ZFP82: variants seen among roughly 807,000 people sequenced by gnomAD.
ZFP82 encodes the protein zinc finger protein 82 homolog.
Under a neutral mutation model 54.0 loss-of-function variants are expected in ZFP82, and 30 were observed. That is an observed-to-expected ratio of 0.56 (90% CI 0.42 to 0.75). The LOEUF is 0.75. ZFP82 is among the 30% of genes least tolerant of loss of function. The pLI is 0.00. For missense variants in ZFP82, 500 were observed against 636.8 expected (o/e 0.79, Z 2.31); for synonymous variants, 194 against 209.5 (o/e 0.93, Z 0.64).
chr19:36,405,934 G>T (rs887157539), intron 3 of ZFP82, among the ~76,000 whole-genome samples: 4 of 152,072 alleles, frequency 2.6e-5, no homozygotes, highest in African/African-American at 9.7e-5. Context: ...CAGACTGCTG[G>T]GTGCAAATCC....
chr19:36,412,771 G>A (rs2032602158), intron 1 of ZFP82, among the ~76,000 whole-genome samples: 1 of 152,152 alleles, frequency 6.6e-6, no homozygotes, highest in South Asian at 2.1e-4. Flanking sequence ...AACCCCATGA[G>A]TTTGGTATTA....
chr19:36,388,616 A>C (rs2032142811), downstream of ZFP82, among the ~76,000 whole-genome samples: 1 of 152,126 alleles, frequency 6.6e-6, no homozygotes, highest in African/African-American at 2.4e-5. Context: ...AAACCTCATT[A>C]TGTAGCTATT....
chr19:36,392,822 A>G lies in ZFP82; in HGVS notation c.1518T>C (p.Tyr506=). 3 of 1,613,452 alleles carry G rather than the reference A, an allele frequency of 1.9e-6. No homozygotes were observed. The highest frequency in any genetic ancestry group is 2.5e-6 in the Non-Finnish European group (3 of 1,179,606). ...HLRIHSGEKP[Y]ECKECKKAFR... ...AGGCCTTCTTACATTCCTTACATTC[A>G]TAGGGTTTCTCACCAGAATGAATTC... The change falls in exon 5 of 5, where the codon TAT becomes TAC. Residue 506 remains tyrosine (Y), a synonymous_variant. Transcript: ENST00000392161.
Position 36,393,355 on chromosome 19 carries a change from G to C in ZFP82, c.985C>G (p.His329Asp). The C allele has an allele frequency of 6.2e-7, 1 of 1,614,062 alleles. No homozygotes were observed. Among genetic ancestry groups the C allele is most frequent in the Non-Finnish European group, 8.5e-7 (1 of 1,180,008 alleles). Residue 329 changes from histidine (H) to aspartate (D), a missense_variant, in exon 5 of 5, where the codon CAC becomes GAC. By Grantham distance (81) the His-to-Asp change is moderately conservative. Coordinates refer to ENST00000392161, the MANE Select transcript of ZFP82 (RefSeq NM_133466.4). ...GGTTTCTCACCAGTATGAAGTTTGT[G>C]ATGTACTCTAAGACCAGAGCCACAC... ...FLCGSGLRVH[H>D]KLHTGEKPYE...
At chr19:36,397,463 G>A (rs558731660) in intron 4 of ZFP82, among the ~76,000 whole-genome samples, 3 of 152,186 alleles carry the variant, frequency 2.0e-5, no homozygotes, top group South Asian at 2.1e-4. Flanking sequence ...AGAAAGCACA[G>A]ACATAGAAAT....
intron 4 of ZFP82, chr19:36,395,051 G>C (rs2032270961): frequency 1.3e-5 from 2 of 152,106 alleles, no homozygotes; most frequent in African/African-American, 2.4e-5. Flanking sequence ...CCTTACTACA[G>C]TGATTAAATA....
In ZFP82 at chr19:36,414,185, C is replaced by T. The variant is rs1030072357; in HGVS notation, c.-79+4307G>A. On this transcript the variant is annotated intron_variant, in intron 1 of 4. Coordinates refer to ENST00000392161, the MANE Select transcript of ZFP82 (RefSeq NM_133466.4). ...AAAGTGCTGGGATTACAGGCGTTAG[C>T]CACCACACTGGCTTCAATAATTTTC... is the stretch of plus-strand genomic sequence containing the variant. Among the ~76,000 whole-genome samples, 5 of 152,116 alleles carry T rather than the reference C, an allele frequency of 3.3e-5. No individual in the cohort carries two copies. In the South Asian group the frequency reaches 6.2e-4, roughly 19 times the overall value.
At chr19:36,416,719 G>A (rs1174093647) in intron 1 of ZFP82, among the ~76,000 whole-genome samples, 1 of 138,222 alleles carries the variant, frequency 7.2e-6, no homozygotes, top group Non-Finnish European at 1.5e-5. Flanking sequence ...TCACACCATT[G>A]CACTCCAGCC....
At chr19:36,395,112 G>A (rs952438080) in intron 4 of ZFP82, 15 of 152,182 alleles carry the variant, frequency 9.9e-5, no homozygotes, top group Admixed American at 9.8e-4. Context: ...ATGGAAATAG[G>A]TGGCTGTATA....
chr19:36,384,876 TA>T (rs1260830777), downstream of ZFP82, among the ~76,000 whole-genome samples: 1 of 152,216 alleles, frequency 6.6e-6, no homozygotes, highest in East Asian at 1.9e-4. Flanking sequence ...GATTAATGAC[TA>T]ATTAATGACA....
chr19:36,411,864 C>A (rs373788273), intron 1 of ZFP82, among the ~76,000 whole-genome samples: 380 of 118,930 alleles, frequency 3.2e-3, no homozygotes, highest in South Asian at 3.6e-3. Flanking sequence ...GACCCCGTCT[C>A]AAAAAAAAAA....
At chr19:36,399,313 C>T (rs2032346492) in intron 4 of ZFP82, among the ~76,000 whole-genome samples, 1 of 152,150 alleles carries the variant, frequency 6.6e-6, no homozygotes, top group South Asian at 2.1e-4. Context: ...AAGGGTGCCC[C>T]ACCAAGGGTG....
chr19:36,400,344 G>C (rs1041184155), intron 4 of ZFP82, among the ~76,000 whole-genome samples: 3 of 152,184 alleles, frequency 2.0e-5, no homozygotes, highest in African/African-American at 7.2e-5. Context: ...CTGGGATATA[G>C]AAGATTTGGT....
Position 36,393,251 on chromosome 19 carries a change from C to T in ZFP82, c.1089G>A (p.Glu363=). ...CACATTCCTTACATTCATAGGGTTT[C>T]TCACCAGTATGAATTCTCTGATGGA... is the stretch of plus-strand genomic sequence containing the variant. ...LTLHQRIHTG[E]KPYECKECGK... is the part of the protein sequence containing the mutation. Residue 363 remains glutamate, a synonymous_variant, in exon 5 of 5, where the codon GAG becomes GAA. Coordinates refer to ENST00000392161, the MANE Select transcript of ZFP82 (RefSeq NM_133466.4). 6.2e-7 allele frequency: 1 copy of T among 1,613,642 alleles called. No homozygotes were observed. Among genetic ancestry groups the T allele is most frequent in the Non-Finnish European group, 8.5e-7 (1 of 1,179,892 alleles).
At position 36,390,423 on chromosome 19, in the gene ZFP82, C is replaced by G; in HGVS notation, c.*2318G>C. ...AAATTGTGCATTTGGTTGTTTGCTTCTTTGTGTTGTTAATTTGTTCTTTTA... is the reference window on the plus strand; with the variant it reads ...AAATTGTGCATTTGGTTGTTTGCTTGTTTGTGTTGTTAATTTGTTCTTTTA... On this transcript the variant is annotated 3_prime_UTR_variant, in exon 5 of 5. Transcript: ENST00000392161. The G allele has an allele frequency of 7.2e-6, 1 of 138,156 alleles. No homozygotes were observed. Among genetic ancestry groups the G allele is most frequent in the African/African-American group, 2.7e-5 (1 of 36,740 alleles). 8.6% of individuals were successfully genotyped at this position (138,156 alleles called of 1,614,324 possible).
In ZFP82 at chr19:36,418,612, C is replaced by A. The variant is rs1184730470; in HGVS notation, c.-199G>T. The A allele has an allele frequency of 6.6e-6, 1 of 152,334 alleles. No homozygotes were observed. Among genetic ancestry groups the A allele is most frequent in the East Asian group, 1.9e-4 (1 of 5,174 alleles). The allele number at this position is 152,334 out of a possible 1,614,324, so 9.4% of individuals were successfully genotyped here. A position where few individuals can be genotyped will look rare whatever the true frequency, so the allele number is the denominator to read the frequency against. The stretch of plus-strand genomic sequence containing the variant: ...ACAGCGATGCCCGAACGGAGGAAGC[C>A]GCTGCCGGGTCACGCCACAATCCCC... On this transcript the variant is annotated 5_prime_UTR_variant, in exon 1 of 5. Coordinates refer to ENST00000392161, the MANE Select transcript of ZFP82 (RefSeq NM_133466.4).
At chr19:36,412,527 A>T (rs2967524) in intron 1 of ZFP82, among the ~76,000 whole-genome samples, 97,326 of 151,998 alleles carry the variant, frequency 0.64, 31,244 homozygotes, top group Admixed American at 0.68. Context: ...CATGTATGTC[A>T]GAGTTCTGCC....
In ZFP82 at chr19:36,391,439, A is replaced by G. The variant is rs1303607285; in HGVS notation, c.*1302T>C. ...TTCATGTTATCCTTTGTCAATTTTT[A>G]ATATTGACTGGGGCCAGAGAATACT... On this transcript the variant is annotated 3_prime_UTR_variant, in exon 5 of 5. Transcript: ENST00000392161. 1.3e-5 allele frequency: 2 copies of G among 151,972 alleles called. No individual in the cohort carries two copies. The highest frequency in any genetic ancestry group is 2.9e-5 in the Non-Finnish European group (2 of 68,010). The allele number at this position is 151,972 out of a possible 1,614,324, so 9.4% of individuals were successfully genotyped here.
rs1411815499 is a variant in ZFP82, at chr19:36,390,183, C to T, written c.*2558G>A. Among the ~76,000 whole-genome samples, 1 of 152,132 alleles carries T rather than the reference C, an allele frequency of 6.6e-6. No individual in the cohort carries two copies. The highest frequency in any genetic ancestry group is 1.5e-5 in the Non-Finnish European group (1 of 68,028). On this transcript the variant is annotated 3_prime_UTR_variant, in exon 5 of 5. Transcript: ENST00000392161. Reference sequence around the variant, plus strand: ...TGCGTATAAACTTCTTCCTTCATGACAATAATTTCCATGTCTGCCTGTCTC... The same window carrying T: ...TGCGTATAAACTTCTTCCTTCATGATAATAATTTCCATGTCTGCCTGTCTC...
Sources: gnomAD v4.1 joint callset for allele counts (sites outside exome capture counted in the v4.1 genomes callset) on GRCh38, gnomAD v4.1.1 for gene constraint, MANE v1.5 for transcripts, NCBI Gene and HGNC (gene_info 2026-07-23, HGNC 2026-07-21) for gene names.